The following GRIN3A variants were observed in gnomAD, a reference collection of about 807,000 sequenced individuals.
The protein encoded by GRIN3A is glutamate ionotropic receptor NMDA type subunit 3A, also known as glutamate receptor ionotropic, NMDA 3A.
Under a neutral mutation model 92.4 loss-of-function variants are expected in GRIN3A, and 47 were observed. That is an observed-to-expected ratio of 0.51 (90% CI 0.40 to 0.65). GRIN3A has a LOEUF of 0.65. GRIN3A is among the 30% of genes least tolerant of loss of function. GRIN3A has a pLI of 0.00. For missense variants in GRIN3A, 1,324 were observed against 1,393.1 expected, an observed-to-expected ratio of 0.95 and a Z score of 0.79; for synonymous variants, 527 against 540.6, an observed-to-expected ratio of 0.97 and a Z score of 0.35.
intron 3 of GRIN3A, among the ~76,000 whole-genome samples, chr9:101,660,346 G>T (rs1256078034): frequency 6.6e-6 from 1 of 151,668 alleles, no homozygotes; most frequent in Admixed American, 6.6e-5. Context: ...AAACACTCTG[G>T]GTCACCTTTG....
chr9:101,617,833 T>G (rs1306122566), intron 5 of GRIN3A, among the ~76,000 whole-genome samples: 10 of 134,002 alleles, frequency 7.5e-5, no homozygotes, highest in South Asian at 2.8e-4. Context: ...GAGTGTGATG[T>G]TCCCCTTCCT....
intron 3 of GRIN3A, among the ~76,000 whole-genome samples, chr9:101,653,770 T>C (rs1341564628): frequency 2.6e-5 from 4 of 151,882 alleles, no homozygotes; most frequent in Admixed American, 6.6e-5. Flanking sequence ...ATAATCTTTC[T>C]TGTATCTATT....
chr9:101,668,969 G>T (rs941550895), intron 3 of GRIN3A, among the ~76,000 whole-genome samples: 8 of 152,096 alleles, frequency 5.3e-5, no homozygotes, highest in African/African-American at 1.7e-4. Flanking sequence ...TTGAGACTTG[G>T]TGTGACAAGG....
chr9:101,712,548 A>T (rs1283342569), intron 1 of GRIN3A, among the ~76,000 whole-genome samples: 3 of 152,218 alleles, frequency 2.0e-5, no homozygotes, highest in African/African-American at 7.2e-5. Context: ...CCCAAATTAC[A>T]GTGATGGATC....
intron 3 of GRIN3A, among the ~76,000 whole-genome samples, chr9:101,640,136 C>G (rs2118898975): frequency 6.6e-6 from 1 of 152,288 alleles, no homozygotes; most frequent in Non-Finnish European, 1.5e-5. Flanking sequence ...TATACATATA[C>G]CATATATACT....
At chr9:101,659,355 G>T (rs1486250034) in intron 3 of GRIN3A, among the ~76,000 whole-genome samples, 1 of 150,722 alleles carries the variant, frequency 6.6e-6, no homozygotes, top group Non-Finnish European at 1.5e-5. Context: ...GACATAGAAA[G>T]TATGTATCTA....
intron 6 of GRIN3A, chr9:101,594,501 C>T: frequency 6.2e-7 from 1 of 1,614,162 alleles, no homozygotes; most frequent in Admixed American, 1.7e-5. Flanking sequence ...CCATCCTTGT[C>T]CAGGATGATG....
At chr9:101,724,338 C>T (rs1397533684) in intron 1 of GRIN3A, among the ~76,000 whole-genome samples, 2 of 152,198 alleles carry the variant, frequency 1.3e-5, no homozygotes, top group African/African-American at 4.8e-5. Context: ...CCAGTACGCC[C>T]TCCGCAGCCT....
At chr9:101,582,229 G>T (rs1284303164) in intron 6 of GRIN3A, among the ~76,000 whole-genome samples, 2 of 152,158 alleles carry the variant, frequency 1.3e-5, no homozygotes, top group Non-Finnish European at 2.9e-5. Flanking sequence ...TCTATCTGGG[G>T]GTCAGGACTC....
chr9:101,622,439 A>G (rs1477825082), intron 5 of GRIN3A, among the ~76,000 whole-genome samples: 1 of 152,212 alleles, frequency 6.6e-6, no homozygotes, highest in Admixed American at 6.5e-5. Flanking sequence ...TTGCTGGTTC[A>G]AACTATCAGC....
chr9:101,700,804 T>G (rs1829743020), intron 1 of GRIN3A, among the ~76,000 whole-genome samples: 1 of 152,024 alleles, frequency 6.6e-6, no homozygotes, highest in African/African-American at 2.4e-5. Flanking sequence ...TAGAATGGTA[T>G]CCTAATGAAG....
At chr9:101,573,898 TA>T (rs1357065547) in intron 8 of GRIN3A, among the ~76,000 whole-genome samples, 1 of 150,636 alleles carries the variant, frequency 6.6e-6, no homozygotes, top group African/African-American at 2.4e-5. Context: ...GATGCTTTAA[TA>T]AAAGCAAAAT....
chr9:101,577,684 T>C (rs1827842678), intron 8 of GRIN3A, 84 bp downstream of exon 8: 2 of 1,022,694 alleles, frequency 2.0e-6, no homozygotes, highest in African/African-American at 1.6e-5. Context: ...TAAATTGCCC[T>C]GATTTGATCT....
chr9:101,676,841 A>G (rs2118962255), intron 2 of GRIN3A, among the ~76,000 whole-genome samples: 1 of 150,320 alleles, frequency 6.7e-6, no homozygotes, highest in Admixed American at 6.7e-5. Flanking sequence ...ACAAAGGAAT[A>G]TTCTTAAACC....
chr9:101,636,280 G>A (rs1009099106), intron 3 of GRIN3A, among the ~76,000 whole-genome samples: 5 of 152,120 alleles, frequency 3.3e-5, no homozygotes, highest in Non-Finnish European at 7.4e-5. Context: ...TCATTAAAGT[G>A]GAGATATTTA....
chr9:101,662,080 G>A (rs1829178984), intron 3 of GRIN3A, among the ~76,000 whole-genome samples: 1 of 151,802 alleles, frequency 6.6e-6, no homozygotes, highest in Admixed American at 6.6e-5. Context: ...ATTTAAGGCA[G>A]CTTAAAGGTC....
chr9:101,738,497 A>C lies in GRIN3A; in HGVS notation c.-518T>G. 1 of 169,032 alleles carries C rather than the reference A, an allele frequency of 5.9e-6. No individual in the cohort carries two copies. The highest frequency in any genetic ancestry group is 1.2e-5 in the Non-Finnish European group (1 of 80,446). 10.5% of individuals were successfully genotyped at this position (169,032 alleles called of 1,614,324 possible). On this transcript the variant is annotated 5_prime_UTR_variant, in exon 1 of 9. Coordinates refer to ENST00000361820, the MANE Select transcript of GRIN3A (RefSeq NM_133445.3). ...GGGGTGCGGAAAAGAAGCCAAATCC[A>C]CCTTCCTCCACTGTTGGCCACCCTC...
intron 1 of GRIN3A, among the ~76,000 whole-genome samples, chr9:101,707,505 T>A (rs977283169): frequency 6.6e-6 from 1 of 152,212 alleles, no homozygotes; most frequent in Non-Finnish European, 1.5e-5. Flanking sequence ...TCCTCTGAAG[T>A]ATTCCAGATT....
chr9:101,737,023 A>G (rs1830216146), intron 1 of GRIN3A, among the ~76,000 whole-genome samples: 1 of 151,252 alleles, frequency 6.6e-6, no homozygotes, highest in Non-Finnish European at 1.5e-5. Context: ...ATTTTCTCTC[A>G]TATTCTCCCC....
Sources: allele counts gnomAD v4.1 joint callset (sites outside exome capture counted in the v4.1 genomes callset), GRCh38; gene constraint gnomAD v4.1.1; transcripts MANE v1.5; gene names NCBI Gene and HGNC (gene_info 2026-07-23, HGNC 2026-07-21).